Variants in GABRB2 observed in about 807,000 individuals in gnomAD.
GABRB2 encodes the protein gamma-aminobutyric acid receptor subunit beta-2.
GABRB2 carries 16 observed loss-of-function variants against 54.7 expected under a neutral mutation model. The observed-to-expected ratio is 0.29, with a 90% CI of 0.20 to 0.44. The LOEUF (loss-of-function observed/expected upper bound fraction) is 0.44, where lower values mean the gene tolerates loss of function less well. Among genes scored for constraint, GABRB2 ranks in the 20% least tolerant of loss-of-function variants. The pLI is 1.00. For synonymous variants in GABRB2, 244 were observed against 233.8 expected, an observed-to-expected ratio of 1.04 and a Z score of -0.40; for missense variants, 355 against 644.0, an observed-to-expected ratio of 0.55 and a Z score of 4.86.
At chr5:161,307,283 T>C (rs186064838) in intron 9 of GABRB2, among the ~76,000 whole-genome samples, 60 of 152,312 alleles carry the variant, frequency 3.9e-4, no homozygotes, top group African/African-American at 9.9e-4. Flanking sequence ...TTTATAATTA[T>C]ATATTACTTC....
At chr5:161,390,019 A>G in intron 5 of GABRB2, among the ~76,000 whole-genome samples, 1 of 152,206 alleles carries the variant, frequency 6.6e-6, no homozygotes, top group South Asian at 2.1e-4. Flanking sequence ...CAATAACAGT[A>G]GGCAATGTAT....
At chr5:161,528,355 ATAAG>A (rs757681710) in intron 3 of GABRB2, among the ~76,000 whole-genome samples, 3 of 151,814 alleles carry the variant, frequency 2.0e-5, no homozygotes, top group East Asian at 1.9e-4. Context: ...GTGGACATAA[ATAAG>A]TAACAAAAAT....
chr5:161,380,330 C>T (rs1453342540), intron 5 of GABRB2, among the ~76,000 whole-genome samples: 1 of 152,098 alleles, frequency 6.6e-6, no homozygotes, highest in Non-Finnish European at 1.5e-5. Context: ...TGAATTGTCA[C>T]CTAGGCCCTG....
Position 161,289,551 on chromosome 5 carries a change from G to A in GABRB2, c.*4530C>T, listed in dbSNP as rs763474625. On this transcript the variant is annotated 3_prime_UTR_variant, in exon 10 of 10. Coordinates refer to ENST00000393959, the MANE Select transcript of GABRB2 (RefSeq NM_001371727.1). ...TAGGAATAACCATTTTTATTTTTCT[G>A]TAGTGCCATCTATACAAACTTTTAC... is the stretch of plus-strand genomic sequence containing the variant. 6.6e-6 allele frequency: 1 copy of A among 151,682 alleles called. No homozygotes were observed. Among genetic ancestry groups the A allele is most frequent in the Non-Finnish European group, 1.5e-5 (1 of 67,944 alleles). 9.4% of individuals were successfully genotyped at this position (151,682 alleles called of 1,614,324 possible). A position where few individuals can be genotyped will look rare whatever the true frequency, so the allele number is the denominator to read the frequency against.
chr5:161,429,924 G>A (rs1242883429), intron 4 of GABRB2, among the ~76,000 whole-genome samples: 1 of 152,112 alleles, frequency 6.6e-6, no homozygotes, highest in Non-Finnish European at 1.5e-5. Flanking sequence ...TTACCTGTGG[G>A]AAAGAAGGCC....
At chr5:161,466,082 T>C (rs1327992049) in intron 3 of GABRB2, among the ~76,000 whole-genome samples, 1 of 151,872 alleles carries the variant, frequency 6.6e-6, no homozygotes, top group Non-Finnish European at 1.5e-5. Flanking sequence ...TAGCAGTCAG[T>C]TTTTTTTGTT....
intron 3 of GABRB2, among the ~76,000 whole-genome samples, chr5:161,485,212 T>A (rs974366810): frequency 6.6e-6 from 1 of 151,988 alleles, no homozygotes; most frequent in Non-Finnish European, 1.5e-5. Context: ...TTAGACGCCT[T>A]CCAGTATACT....
chr5:161,492,746 A>G (rs1759120642), intron 3 of GABRB2, among the ~76,000 whole-genome samples: 1 of 151,730 alleles, frequency 6.6e-6, no homozygotes, highest in Admixed American at 6.6e-5. Flanking sequence ...ACCCACCGTA[A>G]AACAGTCTGG....
At chr5:161,305,614 TA>T (rs1328322541) in intron 9 of GABRB2, among the ~76,000 whole-genome samples, 1 of 152,238 alleles carries the variant, frequency 6.6e-6, no homozygotes, top group Non-Finnish European at 1.5e-5. Context: ...ATAACTGATC[TA>T]ATCTTTTCAT....
At chr5:161,434,819 C>T (rs1277273660) in intron 4 of GABRB2, among the ~76,000 whole-genome samples, 1 of 152,146 alleles carries the variant, frequency 6.6e-6, no homozygotes, top group Non-Finnish European at 1.5e-5. Context: ...AACTATTTTA[C>T]AAATGAGGCC....
chr5:161,497,755 G>A (rs1759302169), intron 3 of GABRB2, among the ~76,000 whole-genome samples: 1 of 152,058 alleles, frequency 6.6e-6, no homozygotes, highest in African/African-American at 2.4e-5. Flanking sequence ...TTCTATTACA[G>A]CCTTTCAAGG....
At chr5:161,511,773 C>G (rs1759776249) in intron 3 of GABRB2, among the ~76,000 whole-genome samples, 1 of 152,024 alleles carries the variant, frequency 6.6e-6, no homozygotes, top group Non-Finnish European at 1.5e-5. Context: ...CTCCCTACGT[C>G]TCTTCATATT....
rs570690059 is a variant in GABRB2 at position 161,452,686 on chromosome 5, C to A, written c.458+6938G>T. Among the ~76,000 whole-genome samples the A allele has an allele frequency of 5.9e-5, 9 of 152,182 alleles. No homozygotes were observed. The East Asian group carries it at 9.7e-4, about 16-fold the overall frequency. ...CAAACCTGCACTTATACCTCCTGAACCTAAAATTTTTTTTTTTTAATTGTA... is the reference window on the plus strand; with the variant it reads ...CAAACCTGCACTTATACCTCCTGAAACTAAAATTTTTTTTTTTTAATTGTA... On this transcript the variant is annotated intron_variant, in intron 4 of 9. Coordinates refer to ENST00000393959, the MANE Select transcript of GABRB2 (RefSeq NM_001371727.1).
intron 3 of GABRB2, among the ~76,000 whole-genome samples, chr5:161,538,669 C>A (rs765812247): frequency 2.6e-5 from 4 of 151,996 alleles, no homozygotes; most frequent in Non-Finnish European, 4.4e-5. Context: ...ATTAAAAATA[C>A]AAAAATTAGT....
At chr5:161,337,254 C>T (rs1754021324) in intron 5 of GABRB2, among the ~76,000 whole-genome samples, 2 of 152,014 alleles carry the variant, frequency 1.3e-5, no homozygotes, top group African/African-American at 4.8e-5. Context: ...ATCAAATTCT[C>T]CCCCAATATA....
At chr5:161,417,028 T>G (rs1756699130) in intron 4 of GABRB2, among the ~76,000 whole-genome samples, 1 of 152,158 alleles carries the variant, frequency 6.6e-6, no homozygotes, top group Admixed American at 6.5e-5. Context: ...TGAACTAAAC[T>G]TCTGAAAATT....
At chr5:161,403,199 C>T (rs1446790891) in intron 5 of GABRB2, among the ~76,000 whole-genome samples, 1 of 152,082 alleles carries the variant, frequency 6.6e-6, no homozygotes, top group Non-Finnish European at 1.5e-5. Flanking sequence ...AGAATCAGGA[C>T]AGAGTTTCAG....
intron 4 of GABRB2, among the ~76,000 whole-genome samples, chr5:161,452,110 A>C (rs1757805983): frequency 6.6e-6 from 1 of 152,192 alleles, no homozygotes; most frequent in Admixed American, 6.5e-5. Context: ...GCTCACAAAA[A>C]CATGTCATCA....
At chr5:161,396,261 A>G (rs1166830141) in intron 5 of GABRB2, among the ~76,000 whole-genome samples, 1 of 152,212 alleles carries the variant, frequency 6.6e-6, no homozygotes, top group Non-Finnish European at 1.5e-5. Flanking sequence ...GGGAGGAGTT[A>G]GATCACAGAC....
Sources: gnomAD v4.1 joint callset for allele counts (sites outside exome capture counted in the v4.1 genomes callset) on GRCh38, gnomAD v4.1.1 for gene constraint, MANE v1.5 for transcripts, NCBI Gene and HGNC (gene_info 2026-07-23, HGNC 2026-07-21) for gene names.